Variants in RBFOX1 observed in about 807,000 individuals in gnomAD.
RBFOX1 encodes RNA binding fox-1 homolog 1, also known as RNA binding protein fox-1 homolog 1.
A neutral mutation model predicts 57.7 loss-of-function variants in RBFOX1; 8 were observed. That is an observed-to-expected ratio of 0.14 (90% confidence interval 0.08 to 0.25). The LOEUF is 0.25. RBFOX1 is among the 10% of genes least tolerant of loss of function. The pLI is 1.00. For missense variants in RBFOX1, 611 were observed against 548.5 expected, an observed-to-expected ratio of 1.11 and a Z score of -1.14; for synonymous variants, 326 against 222.4, an observed-to-expected ratio of 1.47 and a Z score of -4.15.
At chr16:5,659,662 A>T (rs2049581604) in intron 3 of RBFOX1, among the ~76,000 whole-genome samples, 1 of 152,160 alleles carries the variant, frequency 6.6e-6, no homozygotes, top group Non-Finnish European at 1.5e-5. Flanking sequence ...AGTGGATAGG[A>T]TTCAGGGAGT....
chr16:5,673,478 C>T (rs1018286907), intron 3 of RBFOX1, among the ~76,000 whole-genome samples: 2 of 152,214 alleles, frequency 1.3e-5, no homozygotes, highest in Non-Finnish European at 1.5e-5. Context: ...CAGGTCATCT[C>T]ACAGTCCATT....
intron 3 of RBFOX1, among the ~76,000 whole-genome samples, chr16:6,946,863 C>G (rs1335262935): frequency 6.6e-6 from 1 of 152,106 alleles, no homozygotes; most frequent in Non-Finnish European, 1.5e-5. Flanking sequence ...CCTGCCTTGG[C>G]CTCCCCAAGT....
At chr16:6,811,399 C>G (rs962084574) in intron 3 of RBFOX1, among the ~76,000 whole-genome samples, 1 of 152,164 alleles carries the variant, frequency 6.6e-6, no homozygotes, top group African/African-American at 2.4e-5. Context: ...AGCTAGATAA[C>G]ATTGAATATT....
intron 3 of RBFOX1, among the ~76,000 whole-genome samples, chr16:6,717,096 T>C (rs1030258914): frequency 6.6e-6 from 1 of 152,178 alleles, no homozygotes; most frequent in Non-Finnish European, 1.5e-5. Flanking sequence ...CACCAATCTG[T>C]CAGTGGATTG....
At chr16:7,052,035 CT>C (rs35212568) in intron 3 of RBFOX1, 21 bp from the exon 4 acceptor site, 974,088 of 1,609,816 alleles carry the variant, frequency 0.61, 303,859 homozygotes, top group South Asian at 0.75. Flanking sequence ...GACTTTTCCC[CT>C]TCATTTTCTT....
At chr16:6,856,341 G>A (rs548598202) in intron 3 of RBFOX1, among the ~76,000 whole-genome samples, 15 of 152,248 alleles carry the variant, frequency 9.9e-5, no homozygotes, top group Non-Finnish European at 1.5e-4. Context: ...AGCCACGTCT[G>A]AATTCTGAGT....
chr16:7,306,981 A>G (rs1409744616), intron 4 of RBFOX1, among the ~76,000 whole-genome samples: 1 of 152,188 alleles, frequency 6.6e-6, no homozygotes, highest in Non-Finnish European at 1.5e-5. Context: ...GTAATCTTTG[A>G]TCTCAAAGTA....
At chr16:6,533,263 C>G (rs993402468) in intron 2 of RBFOX1, among the ~76,000 whole-genome samples, 5 of 152,162 alleles carry the variant, frequency 3.3e-5, no homozygotes, top group African/African-American at 4.8e-5. Flanking sequence ...TCTAAGTAAC[C>G]TATGCACATG....
chr16:6,012,040 T>C (rs983570895), intron 4 of RBFOX1, among the ~76,000 whole-genome samples: 1 of 152,234 alleles, frequency 6.6e-6, no homozygotes, highest in Non-Finnish European at 1.5e-5. Context: ...ACAGAGCTGT[T>C]ACCCTGTGCC....
chr16:6,243,392 C>T (rs986000850), intron 1 of RBFOX1, among the ~76,000 whole-genome samples: 2 of 152,130 alleles, frequency 1.3e-5, no homozygotes, highest in Admixed American at 1.3e-4. Context: ...TTCCAATGTT[C>T]TTCCAATAAT....
chr16:6,544,729 C>A (rs529864344), intron 2 of RBFOX1, among the ~76,000 whole-genome samples: 2 of 152,250 alleles, frequency 1.3e-5, no homozygotes, highest in South Asian at 4.1e-4. Context: ...ACCTCAGTTT[C>A]CTTGTTTGTC....
chr16:6,512,818 G>A (rs960153995), intron 2 of RBFOX1, among the ~76,000 whole-genome samples: 1 of 152,156 alleles, frequency 6.6e-6, no homozygotes, highest in Non-Finnish European at 1.5e-5. Flanking sequence ...CCAAGCCTAA[G>A]CTTTGCTCTA....
At chr16:6,418,771 C>T (rs943447107) in intron 2 of RBFOX1, among the ~76,000 whole-genome samples, 3 of 152,034 alleles carry the variant, frequency 2.0e-5, no homozygotes, top group East Asian at 1.9e-4. Flanking sequence ...TTAATCAGTC[C>T]CCCTGCCTTG....
At chr16:6,928,212 A>G (rs932838758) in intron 3 of RBFOX1, among the ~76,000 whole-genome samples, 1 of 152,196 alleles carries the variant, frequency 6.6e-6, no homozygotes, top group Non-Finnish European at 1.5e-5. Context: ...ATGTCTGGGT[A>G]CTGCCCCCGA....
intron 1 of RBFOX1, among the ~76,000 whole-genome samples, chr16:6,206,061 G>C: frequency 6.6e-6 from 1 of 151,870 alleles, no homozygotes; most frequent in Non-Finnish European, 1.5e-5. Context: ...CTGAAGATGA[G>C]GCTGAAAAGT....
intron 3 of RBFOX1, among the ~76,000 whole-genome samples, chr16:5,846,802 C>T (rs923403267): frequency 1.3e-5 from 2 of 152,226 alleles, no homozygotes; most frequent in African/African-American, 4.8e-5. Context: ...GAAAAGGCTC[C>T]AGGAAGCCCC....
chr16:6,996,110 T>C (rs760227955), intron 3 of RBFOX1, among the ~76,000 whole-genome samples: 1 of 152,224 alleles, frequency 6.6e-6, no homozygotes, highest in Non-Finnish European at 1.5e-5. Context: ...TTAGTTTTCA[T>C]GTCAAGAACA....
chr16:6,718,710 G>C (rs1281320929), intron 3 of RBFOX1, among the ~76,000 whole-genome samples: 4 of 152,142 alleles, frequency 2.6e-5, no homozygotes, highest in African/African-American at 7.2e-5. Context: ...TCTGGTTGTT[G>C]AAAAGTGTGT....
At chr16:7,094,709 T>C (rs780325738) in intron 4 of RBFOX1, among the ~76,000 whole-genome samples, 1 of 148,256 alleles carries the variant, frequency 6.7e-6, no homozygotes, top group Admixed American at 6.8e-5. Flanking sequence ...ATGGCTAAGA[T>C]GGCTGATGAA....
Sources: allele counts gnomAD v4.1 joint callset (sites outside exome capture counted in the v4.1 genomes callset), GRCh38; gene constraint gnomAD v4.1.1; transcripts MANE v1.5; gene names NCBI Gene and HGNC (gene_info 2026-07-23, HGNC 2026-07-21).